The following RGS6 variants were observed in gnomAD, a reference collection of about 807,000 sequenced individuals.
RGS6 encodes the protein regulator of G protein signaling 6.
A neutral mutation model predicts 78.5 loss-of-function variants in RGS6; 30 were observed. The observed-to-expected ratio is 0.38, with a 90% CI of 0.29 to 0.52. RGS6 has a LOEUF of 0.52. RGS6 is among the 20% of genes least tolerant of loss of function. The pLI is 0.85. For synonymous variants in RGS6, 206 were observed against 206.0 expected, an observed-to-expected ratio of 1.00 and a Z score of 0.00; for missense variants, 495 against 609.7, an observed-to-expected ratio of 0.81 and a Z score of 1.98.
intron 17 of RGS6, among the ~76,000 whole-genome samples, chr14:72,555,989 T>C (rs2097569638): frequency 6.6e-6 from 1 of 152,200 alleles, no homozygotes. Context: ...GTCCATGAGC[T>C]ACCCGTGCCA....
At chr14:71,963,314 T>G (rs551032193) in intron 1 of RGS6, among the ~76,000 whole-genome samples, 1 of 152,262 alleles carries the variant, frequency 6.6e-6, no homozygotes, top group Non-Finnish European at 1.5e-5. Context: ...CTCACTGTTA[T>G]CTTTTCAGGC....
At chr14:72,221,815 C>A (rs112498146) in intron 2 of RGS6, among the ~76,000 whole-genome samples, 6 of 152,152 alleles carry the variant, frequency 3.9e-5, no homozygotes, top group Non-Finnish European at 8.8e-5. Flanking sequence ...GCCAGAGAGT[C>A]GCTGTGTGCT....
chr14:72,605,222 G>T, the RGS6 span, among the ~76,000 whole-genome samples: 1 of 152,202 alleles, frequency 6.6e-6, no homozygotes, highest in Non-Finnish European at 1.5e-5. Flanking sequence ...TGCTGGAGAA[G>T]GGGATGGGAA....
chr14:72,073,100 A>G (rs184730979), intron 2 of RGS6, among the ~76,000 whole-genome samples: 56 of 152,276 alleles, frequency 3.7e-4, no homozygotes, highest in African/African-American at 1.3e-3. Flanking sequence ...CACTCACTAG[A>G]TGTGTGGCCT....
At chr14:72,272,312 G>A (rs1016083346) in intron 2 of RGS6, among the ~76,000 whole-genome samples, 1 of 152,122 alleles carries the variant, frequency 6.6e-6, no homozygotes, top group African/African-American at 2.4e-5. Flanking sequence ...GGGAAAAGAT[G>A]GACAGCATGT....
At chr14:71,881,939 G>C in the RGS6 span, among the ~76,000 whole-genome samples, 2 of 151,930 alleles carry the variant, frequency 1.3e-5, no homozygotes, top group South Asian at 4.2e-4. Flanking sequence ...TCTGTTATGT[G>C]TATATAAAAT....
chr14:71,877,950 T>C, the RGS6 span, among the ~76,000 whole-genome samples: 24 of 152,174 alleles, frequency 1.6e-4, no homozygotes, highest in Non-Finnish European at 3.2e-4. Context: ...GGAGGTCCAC[T>C]CCAGACGCTA....
intron 2 of RGS6, among the ~76,000 whole-genome samples, chr14:72,105,229 G>T (rs150360317): frequency 2.0e-4 from 31 of 152,272 alleles, no homozygotes; most frequent in African/African-American, 6.5e-4. Context: ...AGTGGGACAG[G>T]CCTGATGTGG....
chr14:72,252,535 C>T (rs1457551862), intron 2 of RGS6, among the ~76,000 whole-genome samples: 1 of 152,220 alleles, frequency 6.6e-6, no homozygotes, highest in Non-Finnish European at 1.5e-5. Context: ...TCCCATCTCC[C>T]TGTTAGCCTG....
the RGS6 span, among the ~76,000 whole-genome samples, chr14:71,886,052 T>G: frequency 6.6e-6 from 1 of 151,734 alleles, no homozygotes. Flanking sequence ...TATTCAGAAA[T>G]GCGTGTAATC....
chr14:71,991,020 A>T, intron 2 of RGS6: 4 of 359,602 alleles, frequency 1.1e-5, no homozygotes, highest in Non-Finnish European at 2.2e-5. Context: ...ATCCAATGCC[A>T]TGTAAAAAAA....
At chr14:71,907,055 A>G in the RGS6 span, among the ~76,000 whole-genome samples, 1 of 152,328 alleles carries the variant, frequency 6.6e-6, no homozygotes, top group East Asian at 1.9e-4. Flanking sequence ...CAGGAGATTA[A>G]TTCTATTTTC....
intron 13 of RGS6, among the ~76,000 whole-genome samples, chr14:72,506,302 G>C (rs2096798634): frequency 6.6e-6 from 1 of 152,178 alleles, no homozygotes. Context: ...CTCTACTAGA[G>C]AATATGTCCC....
intron 6 of RGS6, among the ~76,000 whole-genome samples, chr14:72,461,932 G>C (rs1002740015): frequency 6.6e-6 from 1 of 152,152 alleles, no homozygotes; most frequent in African/African-American, 2.4e-5. Context: ...ATGCATGTAA[G>C]GTTCTCTGAG....
intron 2 of RGS6, among the ~76,000 whole-genome samples, chr14:72,180,406 C>G (rs1263737476): frequency 1.3e-5 from 2 of 152,172 alleles, no homozygotes; most frequent in African/African-American, 2.4e-5. Flanking sequence ...ATGAATGGCT[C>G]ACTCCAAACT....
rs79160011 is a variant in RGS6 at position 72,560,872 on chromosome 14, C to T, written c.1423-1545C>T. Among the ~76,000 whole-genome samples, 872 of 150,448 alleles carry T rather than the reference C, an allele frequency of 5.8e-3. 9 individuals are homozygous for T. Among genetic ancestry groups the T allele is most frequent in the African/African-American group, 0.02 (812 of 40,962 alleles). On this transcript the variant is annotated intron_variant, in intron 17 of 17. Transcript: ENST00000553525. ...GGGGAGAAAAAATGAAAAGTTTTGT[C>T]TCACTAGTGAAAATGGGGAGTGAAA... is the stretch of plus-strand genomic sequence containing the variant.
chr14:71,869,176 C>G, the RGS6 span, among the ~76,000 whole-genome samples: 1 of 152,218 alleles, frequency 6.6e-6, no homozygotes, highest in Non-Finnish European at 1.5e-5. Flanking sequence ...GTGTAAAAAC[C>G]TGCCTTGCAT....
chr14:72,263,880 C>T (rs1329312646), intron 2 of RGS6, among the ~76,000 whole-genome samples: 2 of 152,182 alleles, frequency 1.3e-5, no homozygotes, highest in African/African-American at 4.8e-5. Context: ...TCACCCATCT[C>T]ATGTGAATGT....
the RGS6 span, among the ~76,000 whole-genome samples, chr14:72,579,197 G>C: frequency 6.6e-6 from 1 of 150,686 alleles, no homozygotes; most frequent in Non-Finnish European, 1.5e-5. Context: ...GATGACTTCA[G>C]TGTGACCACC....
Sources: allele counts gnomAD v4.1 joint callset (sites outside exome capture counted in the v4.1 genomes callset), GRCh38; gene constraint gnomAD v4.1.1; transcripts MANE v1.5; gene names NCBI Gene and HGNC (gene_info 2026-07-23, HGNC 2026-07-21).